Variants in SPIRE2 observed in about 807,000 individuals in gnomAD.
SPIRE2 encodes protein spire homolog 2.
SPIRE2 carries 76 observed loss-of-function variants against 80.7 expected under a neutral mutation model. That is an observed-to-expected ratio of 0.94 (90% CI 0.78 to 1.14). The LOEUF (loss-of-function observed/expected upper bound fraction) is 1.14. SPIRE2 is among the 50% of genes most tolerant of loss of function. The pLI is 0.00. For synonymous variants in SPIRE2, 535 were observed against 432.6 expected (o/e 1.24, Z -2.94); for missense variants, 1,196 against 1,015.3 (o/e 1.18, Z -2.42).
chr16:89,841,447 C>T (rs1215402521), intron 1 of SPIRE2, among the ~76,000 whole-genome samples: 1 of 151,964 alleles, frequency 6.6e-6, no homozygotes, highest in Non-Finnish European at 1.5e-5. Context: ...ACGTTGGTGA[C>T]GTGGTTGTGG....
chr16:89,865,459 A>G (rs948902787), intron 12 of SPIRE2, among the ~76,000 whole-genome samples: 8 of 152,242 alleles, frequency 5.3e-5, no homozygotes, highest in Non-Finnish European at 2.9e-5. Context: ...ACTAAAATAA[A>G]ACAGTTACAG....
chr16:89,864,536 T>C (rs759346356), intron 12 of SPIRE2, among the ~76,000 whole-genome samples: 3 of 152,230 alleles, frequency 2.0e-5, no homozygotes, highest in African/African-American at 7.2e-5. Context: ...TCTGGCCCTT[T>C]ACACAAAAAA....
chr16:89,860,627 C>T lies in SPIRE2; in HGVS notation c.1463-56C>T, dbSNP rs576223781. 3.3e-6 allele frequency: 4 copies of T among 1,227,126 alleles called. No homozygotes were observed. In the East Asian group the frequency reaches 1.0e-4, roughly 31 times the overall value. The allele number at this position is 1,227,126 out of a possible 1,614,324, so 76.0% of individuals were successfully genotyped here. The stretch of plus-strand genomic sequence containing the variant: ...ATCTCTATCATCCCCTGGGCACAGT[C>T]CTCTTTACCACAGCTCCTGCCAGGC... On this transcript the variant is annotated intron_variant, in intron 9 of 14. Transcript: ENST00000378247.
chr16:89,864,470 C>A (rs1016738106), intron 12 of SPIRE2, among the ~76,000 whole-genome samples: 2 of 152,244 alleles, frequency 1.3e-5, no homozygotes, highest in African/African-American at 4.8e-5. Context: ...TAAAATCTCA[C>A]TGGACACAGC....
At chr16:89,830,227 G>A (rs1477511566) in intron 1 of SPIRE2, among the ~76,000 whole-genome samples, 1 of 151,266 alleles carries the variant, frequency 6.6e-6, no homozygotes, top group Non-Finnish European at 1.5e-5. Context: ...CCTGGGTGGT[G>A]TGGCCCCTTC....
chr16:89,865,681 A>AAGGCT (rs1425492260), intron 12 of SPIRE2, among the ~76,000 whole-genome samples: 1 of 152,146 alleles, frequency 6.6e-6, no homozygotes, highest in Non-Finnish European at 1.5e-5. Flanking sequence ...ATAAAAAAGT[A>AAGGCT]AGGCTGGGCC....
intron 1 of SPIRE2, among the ~76,000 whole-genome samples, chr16:89,843,955 C>T (rs532923986): frequency 6.7e-6 from 1 of 148,614 alleles, no homozygotes; most frequent in Non-Finnish European, 1.5e-5. Flanking sequence ...CCCGCCGTGG[C>T]ACCTCAAAGT....
intron 12 of SPIRE2, among the ~76,000 whole-genome samples, chr16:89,864,322 A>AG (rs199817552): frequency 0.011 from 1,628 of 151,766 alleles, 17 homozygotes; most frequent in Non-Finnish European, 0.016. Flanking sequence ...TCCAGAGGAG[A>AG]GGGCTGCGCC....
At chr16:89,854,255 C>G (rs1477093343) in intron 3 of SPIRE2, 31 bp from the exon 4 acceptor site, 1 of 1,604,552 alleles carries the variant, frequency 6.2e-7, no homozygotes. Context: ...TCTCGTACCT[C>G]CCCTGGACTG....
chr16:89,866,800 G>A (rs956778542), intron 12 of SPIRE2, among the ~76,000 whole-genome samples: 1 of 151,466 alleles, frequency 6.6e-6, no homozygotes, highest in African/African-American at 2.4e-5. Flanking sequence ...TAGTAGAGAC[G>A]GGGTTTCACC....
At chr16:89,853,523 A>C (rs1488741514) in intron 3 of SPIRE2, among the ~76,000 whole-genome samples, 2 of 152,142 alleles carry the variant, frequency 1.3e-5, no homozygotes, top group African/African-American at 4.8e-5. Flanking sequence ...CTGGGCTGGC[A>C]TACATGAGGC....
At chr16:89,860,846 A>T (rs1179804600) in intron 10 of SPIRE2, 51 bp downstream of exon 10, 3 of 1,197,722 alleles carry the variant, frequency 2.5e-6, no homozygotes, top group Non-Finnish European at 3.4e-6. Flanking sequence ...GCGTCTTTGC[A>T]CCCACCTTCC....
chr16:89,856,118 T>G lies in SPIRE2; in HGVS notation c.984T>G (p.Ser328=), dbSNP rs1434490959. 6.2e-7 allele frequency: 1 copy of G among 1,611,582 alleles called. No homozygotes were observed. The highest frequency in any genetic ancestry group is 8.5e-7 in the Non-Finnish European group (1 of 1,179,568). ...IRSRPPLKQV[S]ERRLRPLPPK... is the part of the protein sequence containing the mutation. ...GTCTCGCTTCCCCACCGCAGGTCTC[T>G]GAGAGGCGGCTGCGCCCGTTGCCAC... Residue 328 remains serine (S), a synonymous_variant, in exon 7 of 15, where the codon TCT becomes TCG. Transcript: ENST00000378247.
chr16:89,869,050 A>T (rs2041814039), intron 13 of SPIRE2, among the ~76,000 whole-genome samples: 1 of 78,018 alleles, frequency 1.3e-5, no homozygotes, highest in Non-Finnish European at 2.4e-5. Flanking sequence ...AAAAAAAAAA[A>T]AAAATATATA....
chr16:89,858,743 G>C (rs1360709330), intron 8 of SPIRE2, among the ~76,000 whole-genome samples: 1 of 152,214 alleles, frequency 6.6e-6, no homozygotes, highest in Non-Finnish European at 1.5e-5. Context: ...TCCTCCCACA[G>C]ACGATGGAAG....
At chr16:89,849,474 T>C (rs2041600387) in intron 2 of SPIRE2, among the ~76,000 whole-genome samples, 2 of 152,202 alleles carry the variant, frequency 1.3e-5, no homozygotes, top group Admixed American at 1.3e-4. Flanking sequence ...TGTGTGTGGG[T>C]CTTTCTTTCC....
chr16:89,839,284 G>A (rs1281034912), intron 1 of SPIRE2, among the ~76,000 whole-genome samples: 1 of 151,162 alleles, frequency 6.6e-6, no homozygotes, highest in Non-Finnish European at 1.5e-5. Flanking sequence ...TGAGGCAGGA[G>A]AATGGCATGA....
At chr16:89,829,088 C>T (rs2041355031) in intron 1 of SPIRE2, among the ~76,000 whole-genome samples, 1 of 152,266 alleles carries the variant, frequency 6.6e-6, no homozygotes, top group African/African-American at 2.4e-5. Context: ...AGTGGCCTGG[C>T]TTCCTCCGGG....
chr16:89,840,326 T>C (rs374126792), intron 1 of SPIRE2, among the ~76,000 whole-genome samples: 2 of 147,390 alleles, frequency 1.4e-5, no homozygotes, highest in African/African-American at 5.0e-5. Context: ...CTCGGCTCAC[T>C]GCAAGCTCCA....
Sources: gnomAD v4.1 joint callset for allele counts (sites outside exome capture counted in the v4.1 genomes callset) on GRCh38, gnomAD v4.1.1 for gene constraint, MANE v1.5 for transcripts, NCBI Gene and HGNC (gene_info 2026-07-23, HGNC 2026-07-21) for gene names.